Variants in POU6F2 observed in about 807,000 individuals in gnomAD.
POU6F2 encodes the protein POU class 6 homeobox 2.
POU6F2 carries 31 observed loss-of-function variants against 71.3 expected under a neutral mutation model. That is an observed-to-expected ratio of 0.43 (90% CI 0.33 to 0.59). The LOEUF is 0.59. Ranked by LOEUF, POU6F2 falls within the 20% of genes least tolerant of loss-of-function variation. POU6F2 has a pLI of 0.04. For missense variants in POU6F2, 783 were observed against 856.8 expected (o/e 0.91, Z 1.07); for synonymous variants, 347 against 355.7 (o/e 0.98, Z 0.27).
chr7:39,465,902 CCAAAGAAATGT>C lies in POU6F2; in HGVS notation c.*1218_*1228del, dbSNP rs1789059556. The C allele has an allele frequency of 6.6e-6, 1 of 152,172 alleles. No homozygotes were observed. Among genetic ancestry groups the C allele is most frequent in the South Asian group, 2.1e-4 (1 of 4,832 alleles). The allele number at this position is 152,172 out of a possible 1,614,324, so 9.4% of individuals were successfully genotyped here. On this transcript the variant is annotated 3_prime_UTR_variant, in exon 10 of 10. Coordinates refer to ENST00000518318, the MANE Select transcript of POU6F2 (RefSeq NM_001370959.1). ...GCAATTTCTCTCAGAAGTCTGATAG[CCAAAGAAATGT>C]CTCAAGATTTCAGTCAAATACACAC...
In POU6F2 at chr7:39,460,148, C is replaced by G. The variant is rs1489934442; in HGVS notation, c.1490-399C>G. Among the ~76,000 whole-genome samples, 1 of 152,204 alleles carries G rather than the reference C, an allele frequency of 6.6e-6. No homozygotes were observed. Among genetic ancestry groups the G allele is most frequent in the Admixed American group, 6.5e-5 (1 of 15,284 alleles). On this transcript the variant is annotated intron_variant, in intron 8 of 9. Coordinates refer to ENST00000518318, the MANE Select transcript of POU6F2 (RefSeq NM_001370959.1). This position sits in a 1 kb window ranked among gnomAD's most constrained non-coding sequence, Gnocchi z 4.4. Reference sequence around the variant, plus strand: ...TTAGCACTAAATATGCTAATTAAAACATTTCAAATGGAAACCTTTCCCTTT... The same window carrying G: ...TTAGCACTAAATATGCTAATTAAAAGATTTCAAATGGAAACCTTTCCCTTT...
At chr7:39,061,633 A>G (rs1017684626) in intron 1 of POU6F2, among the ~76,000 whole-genome samples, 2 of 148,690 alleles carry the variant, frequency 1.3e-5, no homozygotes, top group Non-Finnish European at 3.0e-5. Context: ...TAATATCACC[A>G]CTTATTTTAA....
At chr7:39,162,925 C>T (rs747983206) in intron 2 of POU6F2, among the ~76,000 whole-genome samples, 8 of 152,128 alleles carry the variant, frequency 5.3e-5, no homozygotes, top group African/African-American at 1.7e-4. Context: ...ATTCTAGGGA[C>T]GACTGGGGCA....
At chr7:39,018,839 A>G (rs149529839) in intron 1 of POU6F2, among the ~76,000 whole-genome samples, 11 of 152,288 alleles carry the variant, frequency 7.2e-5, no homozygotes, top group Admixed American at 6.5e-4. Flanking sequence ...TTCACTTTAC[A>G]TATTTTAATA....
chr7:39,433,406 A>G, intron 7 of POU6F2, 123 bp downstream of exon 7: 1 of 1,058,452 alleles, frequency 9.4e-7, no homozygotes, highest in South Asian at 1.7e-5. Context: ...CACTCATCTG[A>G]ACATATCGAT....
At chr7:39,239,672 A>C (rs1408702872) in intron 4 of POU6F2, among the ~76,000 whole-genome samples, 5 of 152,178 alleles carry the variant, frequency 3.3e-5, no homozygotes, top group Admixed American at 2.0e-4. Context: ...ACTGAAGAGC[A>C]CTTAGAACAA....
chr7:38,994,327 G>T (rs1017055582), intron 1 of POU6F2, among the ~76,000 whole-genome samples: 11 of 152,074 alleles, frequency 7.2e-5, no homozygotes, highest in Non-Finnish European at 1.2e-4. Flanking sequence ...GGGTTTCAGA[G>T]GAGGTAAGAG....
At chr7:39,245,610 T>C (rs977706816) in intron 4 of POU6F2, among the ~76,000 whole-genome samples, 1 of 152,212 alleles carries the variant, frequency 6.6e-6, no homozygotes, top group Non-Finnish European at 1.5e-5. Flanking sequence ...CTATTAGTTC[T>C]ACATGCTGGA....
Position 39,464,518 on chromosome 7 carries a change from A to G in POU6F2, c.1995A>G (p.Glu665=). Reference sequence around the variant, plus strand: ...AGAACACACACCCTTCTGGGCAGGAAATGACCGAAATTGCTGAGAAGCTGA... The same window carrying G: ...AGAACACACACCCTTCTGGGCAGGAGATGACCGAAATTGCTGAGAAGCTGA... ...FEKNTHPSGQ[E]MTEIAEKLNY... Residue 665 remains glutamate (E), a synonymous_variant, in exon 10 of 10, where the codon GAA becomes GAG. Transcript: ENST00000518318. The surrounding 1 kb of genome is among the most constrained non-coding windows in gnomAD (Gnocchi z 4.1). 1.2e-6 allele frequency: 2 copies of G among 1,613,596 alleles called. No homozygotes were observed. Among genetic ancestry groups the G allele is most frequent in the Non-Finnish European group, 1.7e-6 (2 of 1,179,716 alleles).
intron 5 of POU6F2, among the ~76,000 whole-genome samples, chr7:39,399,306 A>C (rs1787245685): frequency 6.6e-6 from 1 of 152,064 alleles, no homozygotes; most frequent in Non-Finnish European, 1.5e-5. Context: ...ATCCCCTCAC[A>C]CAATGCCCAA....
At chr7:39,026,708 A>T (rs1394057975) in intron 1 of POU6F2, among the ~76,000 whole-genome samples, 2 of 152,146 alleles carry the variant, frequency 1.3e-5, no homozygotes, top group African/African-American at 4.8e-5. Flanking sequence ...TATGTAACTA[A>T]CCTGCACATT....
intron 5 of POU6F2, among the ~76,000 whole-genome samples, chr7:39,346,149 A>G (rs1028185409): frequency 1.3e-5 from 2 of 152,200 alleles, no homozygotes; most frequent in Non-Finnish European, 2.9e-5. Context: ...AATTTATTAC[A>G]CGCATTTGAG....
chr7:39,319,174 C>T (rs1208801624), intron 4 of POU6F2, among the ~76,000 whole-genome samples: 1 of 152,056 alleles, frequency 6.6e-6, no homozygotes, highest in Non-Finnish European at 1.5e-5. Flanking sequence ...GGTTTCAGAC[C>T]CCTTCACCTC....
chr7:39,178,422 AG>A (rs1337127803), intron 2 of POU6F2, among the ~76,000 whole-genome samples: 4 of 152,200 alleles, frequency 2.6e-5, no homozygotes, highest in Non-Finnish European at 5.9e-5. Flanking sequence ...TTATAAAAGT[AG>A]TCTTTATTTT....
At chr7:39,176,730 T>C (rs1353789094) in intron 2 of POU6F2, among the ~76,000 whole-genome samples, 1 of 152,196 alleles carries the variant, frequency 6.6e-6, no homozygotes, top group African/African-American at 2.4e-5. Context: ...TATCTTGTGT[T>C]AGCAAGAAAT....
At chr7:39,027,200 A>T (rs1789828587) in intron 1 of POU6F2, among the ~76,000 whole-genome samples, 1 of 152,146 alleles carries the variant, frequency 6.6e-6, no homozygotes, top group Non-Finnish European at 1.5e-5. Context: ...AATAGGAAAT[A>T]TATTTGTATG....
chr7:39,347,355 G>A (rs1406735436), intron 5 of POU6F2, among the ~76,000 whole-genome samples: 10 of 152,124 alleles, frequency 6.6e-5, no homozygotes, highest in Admixed American at 5.9e-4. Flanking sequence ...AAAACCCATA[G>A]TAGCTAGAAT....
chr7:39,020,737 G>A (rs781236385), intron 1 of POU6F2, among the ~76,000 whole-genome samples: 107 of 150,856 alleles, frequency 7.1e-4, no homozygotes, highest in Non-Finnish European at 2.5e-4. Context: ...ATTTCTCATC[G>A]TATTTCTAAA....
chr7:39,401,692 G>A (rs1414292420), intron 5 of POU6F2, among the ~76,000 whole-genome samples: 11 of 152,164 alleles, frequency 7.2e-5, no homozygotes, highest in African/African-American at 2.4e-4. Flanking sequence ...ATCCACGGCC[G>A]AGTCATTTCA....
Sources: allele counts gnomAD v4.1 joint callset (sites outside exome capture counted in the v4.1 genomes callset), GRCh38; gene constraint gnomAD v4.1.1; non-coding constraint Gnocchi (gnomAD v3.1); transcripts MANE v1.5; gene names NCBI Gene and HGNC (gene_info 2026-07-23, HGNC 2026-07-21).